The following CAMK2B variants were observed in gnomAD, a reference collection of about 807,000 sequenced individuals.
The protein encoded by CAMK2B is calcium/calmodulin-dependent protein kinase type II subunit beta.
Under a neutral mutation model 93.7 loss-of-function variants are expected in CAMK2B, and 27 were observed. The ratio of observed to expected loss-of-function variants is 0.29; its 90% CI spans 0.21 to 0.40. CAMK2B has a LOEUF of 0.40. CAMK2B is among the 10% of genes least tolerant of loss of function. CAMK2B has a pLI of 1.00. For synonymous variants in CAMK2B, 374 were observed against 358.8 expected (o/e 1.04, Z -0.48); for missense variants, 568 against 895.8 (o/e 0.63, Z 4.67).
At chr7:44,292,593 C>T (rs1269944819) in intron 1 of CAMK2B, among the ~76,000 whole-genome samples, 1 of 152,202 alleles carries the variant, frequency 6.6e-6, no homozygotes, top group African/African-American at 2.4e-5. Context: ...TCCTTCCTTC[C>T]TTTCTTTAAC....
intron 2 of CAMK2B, among the ~76,000 whole-genome samples, chr7:44,277,071 G>A (rs1481920636): frequency 1.3e-5 from 2 of 152,036 alleles, no homozygotes; most frequent in East Asian, 1.9e-4. Flanking sequence ...TCCTACGCAC[G>A]CTTCCCTCTA....
At chr7:44,222,432 G>A (rs1485960323) in intron 20 of CAMK2B, among the ~76,000 whole-genome samples, 2 of 152,036 alleles carry the variant, frequency 1.3e-5, no homozygotes, top group Non-Finnish European at 2.9e-5. Flanking sequence ...AATTCCCAGA[G>A]GAGGGAATTC....
chr7:44,226,582 C>T lies in CAMK2B; in HGVS notation c.1531G>A (p.Gly511Ser). 6.7e-7 allele frequency: 1 copy of T among 1,495,910 alleles called. No individual in the cohort carries two copies. Among genetic ancestry groups the T allele is most frequent in the Non-Finnish European group, 8.8e-7 (1 of 1,131,400 alleles). The allele number at this position is 1,495,910 out of a possible 1,614,324, so 92.7% of individuals were successfully genotyped here. Reference protein sequence around the residue: ...RRGSGTPEAEGPSPVGPPPCP... With the variant: ...RRGSGTPEAESPSPVGPPPCP... ...GGCGGGGGCCCCACTGGCGAGGGGC[C>T]CTCGGCTTCTGGGGTCCCTGAGCCC... Residue 511 changes from glycine to serine, a missense_variant, in exon 20 of 24, where the codon GGC (glycine) becomes AGC (serine). Physicochemically the swap from Gly to Ser is moderately conservative, Grantham distance 56 (BLOSUM62 0). This residue lies in a region of CAMK2B where 308 missense variants were observed against 292.1 expected (regional missense o/e 1.05). Coordinates refer to ENST00000395749, the MANE Select transcript of CAMK2B (RefSeq NM_001220.5).
In CAMK2B at chr7:44,262,285, C is replaced by T. The variant is rs573144290; in HGVS notation, c.220+720G>A. 8.9e-4 allele frequency among the ~76,000 whole-genome samples: 136 copies of T among 152,322 alleles called. 1 individual carries two copies. Among genetic ancestry groups the T allele is most frequent in the Middle Eastern group, 6.8e-3 (2 of 294 alleles). ...AGGGCCCCAAATCCACCTGACAGCT[C>T]CCCAGGTGCCTCCGAGGCCAAGAGC... On this transcript the variant is annotated intron_variant, in intron 3 of 23. Transcript: ENST00000395749.
chr7:44,262,875 G>T, intron 3 of CAMK2B, 130 bp downstream of exon 3: 1 of 768,948 alleles, frequency 1.3e-6, no homozygotes, highest in Non-Finnish European at 2.1e-6. Context: ...GGCTTCTGGT[G>T]GGATATTTCA....
At chr7:44,309,240 A>C (rs954856836) in intron 1 of CAMK2B, among the ~76,000 whole-genome samples, 4 of 152,212 alleles carry the variant, frequency 2.6e-5, no homozygotes, top group Admixed American at 1.3e-4. Flanking sequence ...GGGGCAGTTC[A>C]CAGCTGCCCA....
At chr7:44,316,616 A>C (rs932704408) in intron 1 of CAMK2B, among the ~76,000 whole-genome samples, 1 of 152,188 alleles carries the variant, frequency 6.6e-6, no homozygotes, top group African/African-American at 2.4e-5. Context: ...AATGTTTGGT[A>C]GGATTTACCA....
intron 1 of CAMK2B, among the ~76,000 whole-genome samples, chr7:44,291,157 G>A (rs1333736593): frequency 1.3e-5 from 2 of 152,194 alleles, no homozygotes; most frequent in Non-Finnish European, 2.9e-5. Context: ...ATACTGTCCT[G>A]TGGATGCCTG....
intron 3 of CAMK2B, among the ~76,000 whole-genome samples, chr7:44,259,202 G>A (rs555313844): frequency 6.6e-6 from 1 of 152,314 alleles, no homozygotes; most frequent in Admixed American, 6.5e-5. Context: ...CTGCCAGTCT[G>A]GTCACCTGTC....
chr7:44,282,906 C>A (rs935262373), intron 2 of CAMK2B, among the ~76,000 whole-genome samples: 1 of 152,234 alleles, frequency 6.6e-6, no homozygotes. Flanking sequence ...CAGATTTGTG[C>A]CTGGATGCTA....
chr7:44,257,079 C>T (rs1244997527), intron 4 of CAMK2B, among the ~76,000 whole-genome samples: 1 of 152,176 alleles, frequency 6.6e-6, no homozygotes, highest in Non-Finnish European at 1.5e-5. Context: ...GTGTGAGACC[C>T]TCTACTCCCA....
At chr7:44,234,579 T>TG in intron 14 of CAMK2B, 60 bp downstream of exon 14, 1 of 1,604,022 alleles carries the variant, frequency 6.2e-7, no homozygotes, top group Non-Finnish European at 8.5e-7. Context: ...CCCCAGGGCG[T>TG]GGGGGTGAAG....
At chr7:44,315,031 A>G (rs73099827) in intron 1 of CAMK2B, among the ~76,000 whole-genome samples, 1 of 152,108 alleles carries the variant, frequency 6.6e-6, no homozygotes, top group Non-Finnish European at 1.5e-5. Context: ...GGACTATTCT[A>G]TTCCACTTTC....
At position 44,243,533 on chromosome 7, in the gene CAMK2B, G is replaced by C. The variant is rs1357620777; in HGVS notation, c.415-6C>G. On this transcript the variant is annotated splice_polypyrimidine_tract_variant and splice_region_variant and intron_variant, in intron 6 of 23. Transcript: ENST00000395749. ...GCCAGAAGCAGGTTCTCCGGCTGCAGGGAGGTGACCGGCACAAGGGTGCAT... is the reference window on the plus strand; with the variant it reads ...GCCAGAAGCAGGTTCTCCGGCTGCACGGAGGTGACCGGCACAAGGGTGCAT... 6.2e-7 allele frequency: 1 copy of C among 1,612,674 alleles called. No individual in the cohort carries two copies. Among genetic ancestry groups the C allele is most frequent in the South Asian group, 1.1e-5 (1 of 91,054 alleles).
intron 1 of CAMK2B, among the ~76,000 whole-genome samples, chr7:44,301,999 C>T (rs903671854): frequency 1.3e-5 from 2 of 151,972 alleles, no homozygotes; most frequent in Non-Finnish European, 2.9e-5. Flanking sequence ...TGGAAAACTG[C>T]TAATCAGGTT....
chr7:44,295,155 T>C (rs577668221), intron 1 of CAMK2B, among the ~76,000 whole-genome samples: 5 of 152,246 alleles, frequency 3.3e-5, no homozygotes, highest in African/African-American at 9.6e-5. Context: ...CTACCTCAAA[T>C]CACACTGAAA....
At chr7:44,250,649 C>T (rs1269046296) in intron 5 of CAMK2B, among the ~76,000 whole-genome samples, 3 of 151,858 alleles carry the variant, frequency 2.0e-5, no homozygotes, top group Non-Finnish European at 4.4e-5. Context: ...CCTGCCTCAA[C>T]CTCCAGAGTA....
chr7:44,325,849 G>GCCCGCC (rs1237511000), upstream of CAMK2B: 2 of 127,660 alleles, frequency 1.6e-5, no homozygotes, highest in African/African-American at 6.1e-5. Context: ...TCACACGCGC[G>GCCCGCC]CCCGCCCCCG....
chr7:44,295,760 T>C (rs1788121641), intron 1 of CAMK2B, among the ~76,000 whole-genome samples: 1 of 152,164 alleles, frequency 6.6e-6, no homozygotes, highest in African/African-American at 2.4e-5. Context: ...GGAGAAATTA[T>C]CTTACTACAG....
Sources: gnomAD v4.1 joint callset for allele counts (sites outside exome capture counted in the v4.1 genomes callset) on GRCh38, gnomAD v4.1.1 for gene constraint, gnomAD v4.1.1 regional missense constraint, MANE v1.5 for transcripts, NCBI Gene and HGNC (gene_info 2026-07-23, HGNC 2026-07-21) for gene names.